HECTD4: variants seen among roughly 807,000 people sequenced by gnomAD.
HECTD4 encodes the protein HECT domain E3 ubiquitin protein ligase 4, also known as probable E3 ubiquitin-protein ligase HECTD4.
A neutral mutation model predicts 471.5 loss-of-function variants in HECTD4; 114 were observed. That is an observed-to-expected ratio of 0.24 (90% CI 0.21 to 0.28). The LOEUF (loss-of-function observed/expected upper bound fraction) is 0.28. Among genes scored for constraint, HECTD4 ranks in the 10% least tolerant of loss-of-function variants. The probability of loss-of-function intolerance (pLI) is 1.00; values close to 1 mark genes in which losing one functional copy is unlikely to be tolerated. For synonymous variants in HECTD4, 2,012 were observed against 2,256.0 expected, an observed-to-expected ratio of 0.89 and a Z score of 3.07; for missense variants, 3,866 against 5,651.5, an observed-to-expected ratio of 0.68 and a Z score of 10.13.
At chr12:112,379,683 G>T (rs1168824099) in intron 1 of HECTD4, among the ~76,000 whole-genome samples, 2 of 151,468 alleles carry the variant, frequency 1.3e-5, no homozygotes, top group Non-Finnish European at 2.9e-5. Context: ...AACAGAGAGA[G>T]ACCCTGTCTC....
intron 34 of HECTD4, among the ~76,000 whole-genome samples, chr12:112,238,182 C>G (rs2033559464): frequency 6.6e-6 from 1 of 152,166 alleles, no homozygotes. Context: ...GTTATACACA[C>G]AGGCCTGGAA....
chr12:112,217,026 T>C lies in HECTD4; in HGVS notation c.7236+8A>G, dbSNP rs2032936221. The stretch of plus-strand genomic sequence containing the variant: ...ATGCAAAAGACAGTGTGTCATGTGA[T>C]GTCTCACCTGAACTGGCAGTGGTGA... On this transcript the variant is annotated splice_region_variant and intron_variant, in intron 46 of 75. Coordinates refer to ENST00000682272, the MANE Select transcript of HECTD4 (RefSeq NM_001388303.1). The C allele has an allele frequency of 4.4e-6, 7 of 1,586,256 alleles. No individual in the cohort carries two copies. Among genetic ancestry groups the C allele is most frequent in the Non-Finnish European group, 6.0e-6 (7 of 1,161,258 alleles).
chr12:112,296,280 A>G (rs909002832), intron 7 of HECTD4, among the ~76,000 whole-genome samples: 1 of 151,316 alleles, frequency 6.6e-6, no homozygotes, highest in African/African-American at 2.4e-5. Flanking sequence ...CAGAGGGTGT[A>G]GGTGCAGTGG....
intron 2 of HECTD4, among the ~76,000 whole-genome samples, chr12:112,315,320 C>T (rs1260596173): frequency 1.3e-5 from 2 of 152,326 alleles, no homozygotes; most frequent in Middle Eastern, 3.4e-3. Flanking sequence ...GCTTTAATTG[C>T]TGGGTATCAT....
At position 112,228,653 on chromosome 12, in the gene HECTD4, T is replaced by A; in HGVS notation, c.6678A>T (p.Arg2226Ser). The change falls in exon 42 of 76, where the codon AGA (arginine) becomes AGT (serine). Residue 2226 changes from arginine to serine, a missense_variant. By Grantham distance (110) the Arg-to-Ser change is moderately radical (BLOSUM62 -1). Transcript: ENST00000682272. The surrounding 1 kb of genome is among the most constrained non-coding windows in gnomAD (Gnocchi z 4.9). The stretch of plus-strand genomic sequence containing the variant: ...CATTTAAAAATCACCTTACCTCTGA[T>A]CTTGGAACACAAAGTCTAGACAATG... ...TIPLSRLCVPRSEALPLHKLS... is the reference protein window; with the variant it reads ...TIPLSRLCVPSSEALPLHKLS... 1 of 1,603,130 alleles carries A rather than the reference T, an allele frequency of 6.2e-7. No homozygotes were observed.
chr12:112,248,202 A>G (rs2033802960), intron 26 of HECTD4, 31 bp from the exon 27 acceptor site: 2 of 1,576,274 alleles, frequency 1.3e-6, no homozygotes, highest in Non-Finnish European at 1.7e-6. Context: ...GATGCAAAAT[A>G]AAAACAAGTA....
chr12:112,171,409 G>A (rs921351602), intron 67 of HECTD4, 146 bp from the exon 68 acceptor site: 32 of 1,307,334 alleles, frequency 2.4e-5, no homozygotes, highest in Admixed American at 7.4e-5. Context: ...GTGAGTGAGC[G>A]GCCCCCAATG....
rs1403444697 is a variant in HECTD4, at chr12:112,208,498, G to A, written c.8000C>T (p.Pro2667Leu). The A allele has an allele frequency of 1.4e-5, 22 of 1,589,744 alleles. No individual in the cohort carries two copies. Among genetic ancestry groups the A allele is most frequent in the Non-Finnish European group, 1.9e-5 (22 of 1,170,060 alleles). Residue 2667 changes from proline to leucine, a missense_variant, in exon 51 of 76, where the codon CCT becomes CTT. Physicochemically the swap from Pro to Leu is moderately conservative, Grantham distance 98 (BLOSUM62 -3). Around this residue, in one of 16 missense-constraint regions of HECTD4, gnomAD observed 266 missense variants for 441.6 expected, o/e 0.60. Coordinates refer to ENST00000682272, the MANE Select transcript of HECTD4 (RefSeq NM_001388303.1). ...ESDDDDDDDI[P>L]QEDHYALLVK... The stretch of plus-strand genomic sequence containing the variant: ...CTAAGCCTGTGGGTCTCTTACCTGA[G>A]GGATGTCATCATCGTCATCATCATC...
At chr12:112,230,090 A>T (rs527679201) in intron 40 of HECTD4, among the ~76,000 whole-genome samples, 2 of 152,308 alleles carry the variant, frequency 1.3e-5, no homozygotes, top group South Asian at 4.1e-4. Context: ...CAACTGGGAG[A>T]ATCAAACATC....
chr12:112,198,134 C>T (rs936628426), intron 55 of HECTD4, among the ~76,000 whole-genome samples: 2 of 152,134 alleles, frequency 1.3e-5, no homozygotes, highest in African/African-American at 4.8e-5. Flanking sequence ...CGCACCCGGC[C>T]CACAAGAACA....
chr12:112,327,287 A>G (rs1276140861), intron 1 of HECTD4, among the ~76,000 whole-genome samples: 1 of 152,212 alleles, frequency 6.6e-6, no homozygotes, highest in African/African-American at 2.4e-5. Context: ...ACTGCATTCC[A>G]GCCTGGGCGA....
chr12:112,305,925 T>G, intron 7 of HECTD4, 139 bp downstream of exon 7: 1 of 694,612 alleles, frequency 1.4e-6, no homozygotes, highest in Non-Finnish European at 2.2e-6. Flanking sequence ...CAAAGACATC[T>G]AAGAGAAAAA....
intron 18 of HECTD4, among the ~76,000 whole-genome samples, chr12:112,259,582 C>G (rs7969611): frequency 7.2e-6 from 1 of 139,586 alleles, no homozygotes; most frequent in South Asian, 2.3e-4. Flanking sequence ...TGCAGTGGTA[C>G]GATCACAGCT....
intron 1 of HECTD4, among the ~76,000 whole-genome samples, chr12:112,323,973 C>T (rs547587127): frequency 0.06 from 1,372 of 22,852 alleles, 51 homozygotes; most frequent in African/African-American, 0.12. Context: ...TTTCTTCCTT[C>T]CTTCCTTCCT....
chr12:112,380,791 A>G (rs970379455), intron 1 of HECTD4, among the ~76,000 whole-genome samples: 8 of 152,192 alleles, frequency 5.3e-5, no homozygotes, highest in African/African-American at 1.9e-4. Flanking sequence ...GCACGTCCAA[A>G]TGTCTCGGCC....
In HECTD4 at chr12:112,228,272, G is replaced by C. The variant is rs375818118; in HGVS notation, c.6685-14C>G. ...AAGAGGCAATGCCTGATGGCGGTGG[G>C]GGGGCATGGCAAAAAGTTAAATTCA... On this transcript the variant is annotated splice_polypyrimidine_tract_variant and intron_variant, in intron 42 of 75. Transcript: ENST00000682272. This position sits in a 1 kb window ranked among gnomAD's most constrained non-coding sequence, Gnocchi z 4.9. 123 of 1,556,290 alleles carry C rather than the reference G, an allele frequency of 7.9e-5. 1 individual carries two copies. In the South Asian group the frequency reaches 1.4e-3, roughly 18 times the overall value.
Position 112,324,945 on chromosome 12 carries a change from T to C in HECTD4, c.178-5203A>G, listed in dbSNP as rs191812400. On this transcript the variant is annotated intron_variant, in intron 1 of 75. Coordinates refer to ENST00000682272, the MANE Select transcript of HECTD4 (RefSeq NM_001388303.1). Reference sequence around the variant, plus strand: ...ATTTTTATTTATGGTACACCAATCATCTACTTATGTTATATGAAGCAACTA... The same window carrying C: ...ATTTTTATTTATGGTACACCAATCACCTACTTATGTTATATGAAGCAACTA... Among the ~76,000 whole-genome samples the C allele has an allele frequency of 9.2e-5, 14 of 152,324 alleles. No individual in the cohort carries two copies. In the East Asian group the frequency reaches 2.7e-3, roughly 29 times the overall value.
At position 112,164,064 on chromosome 12, in the gene HECTD4, GGCCGGGCCAGCCCCTGCCAGCCCCT is replaced by G. The variant is rs768520663; in HGVS notation, c.12701+20_12701+44del. The G allele has an allele frequency of 7.2e-7, 1 of 1,382,006 alleles. No individual in the cohort carries two copies. Among genetic ancestry groups the G allele is most frequent in the East Asian group, 2.7e-5 (1 of 36,882 alleles). The allele number at this position is 1,382,006 out of a possible 1,614,324, so 85.6% of individuals were successfully genotyped here. A position where few individuals can be genotyped will look rare whatever the true frequency, so the allele number is the denominator to read the frequency against. On this transcript the variant is annotated intron_variant, in intron 73 of 75. Coordinates refer to ENST00000682272, the MANE Select transcript of HECTD4 (RefSeq NM_001388303.1). ...TGCTGCTGTCATACCCTGGCTGGCT[GGCCGGGCCAGCCCCTGCCAGCCCCT>G]GACACGCGCACACACTCACGCCACA... is the stretch of plus-strand genomic sequence containing the variant.
chr12:112,209,518 G>T (rs2032699542), intron 50 of HECTD4, among the ~76,000 whole-genome samples: 1 of 152,088 alleles, frequency 6.6e-6, no homozygotes, highest in African/African-American at 2.4e-5. Context: ...TAGAGACGGG[G>T]TTTCTCCATG....
Sources: gnomAD v4.1 joint callset for allele counts (sites outside exome capture counted in the v4.1 genomes callset) on GRCh38, gnomAD v4.1.1 for gene constraint, gnomAD v4.1.1 regional missense constraint, Gnocchi (gnomAD v3.1) non-coding constraint, MANE v1.5 for transcripts, NCBI Gene and HGNC (gene_info 2026-07-23, HGNC 2026-07-21) for gene names.